The following RNASEH2B variants were observed in gnomAD, a reference collection of about 807,000 sequenced individuals.
The protein encoded by RNASEH2B is Aicardi-Goutieres syndrome 2 protein.
A neutral mutation model predicts 45.0 loss-of-function variants in RNASEH2B; 36 were observed. The observed-to-expected ratio is 0.80, with a 90% CI of 0.61 to 1.06. The LOEUF is 1.06. Ranked by LOEUF, RNASEH2B falls within the 50% of genes least tolerant of loss-of-function variation. RNASEH2B has a pLI of 0.00. For synonymous variants in RNASEH2B, 119 were observed against 125.7 expected (o/e 0.95, Z 0.35); for missense variants, 361 against 360.3 (o/e 1.00, Z -0.02).
In RNASEH2B at chr13:50,910,041, C is replaced by T; in HGVS notation, c.-36C>T. The T allele has an allele frequency of 6.8e-7, 1 of 1,461,918 alleles. No homozygotes were observed. Among genetic ancestry groups the T allele is most frequent in the Non-Finnish European group, 9.0e-7 (1 of 1,108,608 alleles). The allele number at this position is 1,461,918 out of a possible 1,614,324, so 90.6% of individuals were successfully genotyped here. ...GGGGCTGGGAGACTGAGGCCCGCGGCGCTGAGCCTGCGGCGCCCCGGAAGA... is the reference window on the plus strand; with the variant it reads ...GGGGCTGGGAGACTGAGGCCCGCGGTGCTGAGCCTGCGGCGCCCCGGAAGA... On this transcript the variant is annotated 5_prime_UTR_variant, in exon 1 of 11. Coordinates refer to ENST00000336617, the MANE Select transcript of RNASEH2B (RefSeq NM_024570.4).
At chr13:50,924,614 A>C (rs774503777) in intron 1 of RNASEH2B, among the ~76,000 whole-genome samples, 1 of 152,202 alleles carries the variant, frequency 6.6e-6, no homozygotes, top group African/African-American at 2.4e-5. Context: ...GCTGGAGTAC[A>C]GTGGTGCAGT....
chr13:50,920,459 T>A (rs1951509884), intron 1 of RNASEH2B, among the ~76,000 whole-genome samples: 1 of 152,236 alleles, frequency 6.6e-6, no homozygotes. Flanking sequence ...TACTCTGGAA[T>A]CAGTTAGTTT....
In RNASEH2B at chr13:50,910,157, G is replaced by A. The variant is rs1451402273; in HGVS notation, c.64+17G>A. 2.1e-6 allele frequency: 3 copies of A among 1,425,874 alleles called. No homozygotes were observed. Among genetic ancestry groups the A allele is most frequent in the African/African-American group, 1.5e-5 (1 of 66,898 alleles). 88.3% of individuals were successfully genotyped at this position (1,425,874 alleles called of 1,614,324 possible). On this transcript the variant is annotated intron_variant, in intron 1 of 10. Transcript: ENST00000336617. The stretch of plus-strand genomic sequence containing the variant: ...TGGTTTCAGGTAAACACGCGCGCCC[G>A]GGCGGCGGGGTCGGCCCAAGAACTG...
chr13:50,968,050 A>T (rs1196370883), intron 9 of RNASEH2B, among the ~76,000 whole-genome samples: 2 of 152,190 alleles, frequency 1.3e-5, no homozygotes, highest in African/African-American at 4.8e-5. Flanking sequence ...GAGCCATTAG[A>T]CTGACCAAAA....
chr13:50,942,418 T>C (rs996227904), intron 5 of RNASEH2B: 18 of 152,230 alleles, frequency 1.2e-4, no homozygotes, highest in African/African-American at 4.3e-4. Context: ...GATCTTTTTT[T>C]AATGCTCCCC....
Position 50,948,260 on chromosome 13 carries a change from T to C in RNASEH2B, c.698+192T>C, listed in dbSNP as rs1375958545. 9.9e-6 allele frequency: 8 copies of C among 807,172 alleles called. No homozygotes were observed. In the Middle Eastern group the frequency reaches 1.2e-3, roughly 118 times the overall value. The allele number at this position is 807,172 out of a possible 1,614,324, so 50.0% of individuals were successfully genotyped here. On this transcript the variant is annotated intron_variant, in intron 8 of 10. Transcript: ENST00000336617. ...AATGAACTGATTTGATGGATACGGA[T>C]TGCAGGAACTAGTGAATGTCAAGAT... is the stretch of plus-strand genomic sequence containing the variant.
chr13:50,938,025 T>TGAAAAAATCC (rs1427028851), intron 5 of RNASEH2B: 3 of 152,202 alleles, frequency 2.0e-5, no homozygotes, highest in Non-Finnish European at 4.4e-5. Flanking sequence ...TTGTCATGTA[T>TGAAAAAATCC]GAAAAAATCC....
In RNASEH2B at chr13:50,948,042, A is replaced by C; in HGVS notation, c.672A>C (p.Leu224Phe). The C allele has an allele frequency of 1.9e-6, 3 of 1,611,702 alleles. No homozygotes were observed. Among genetic ancestry groups the C allele is most frequent in the East Asian group, 4.5e-5 (2 of 44,782 alleles). The change falls in exon 8 of 11, where the codon TTA (leucine) becomes TTC (phenylalanine). Residue 224 changes from leucine (L) to phenylalanine (F), a missense_variant. By Grantham distance (22) the Leu-to-Phe change is conservative. Transcript: ENST00000336617. ...TATCTGACTACATCCCTAAAGAATT[A>C]AGTGATGACTTATCTAAATACTTAA... ...GLISDYIPKELSDDLSKYLKL... is the reference protein window; with the variant it reads ...GLISDYIPKEFSDDLSKYLKL...
chr13:50,927,597 T>C, intron 2 of RNASEH2B, 119 bp downstream of exon 2: 2 of 725,306 alleles, frequency 2.8e-6, no homozygotes. Context: ...GATGGCACCG[T>C]GAGGAGAAGA....
intron 7 of RNASEH2B, among the ~76,000 whole-genome samples, 193 bp downstream of exon 7, chr13:50,945,725 T>C (rs796839609): frequency 3.3e-5 from 5 of 152,356 alleles, no homozygotes; most frequent in African/African-American, 1.2e-4. Context: ...ACTTCTGTCA[T>C]TCATTGATAC....
chr13:50,956,775 A>C, downstream of RNASEH2B: 11 of 1,078,908 alleles, frequency 1.0e-5, no homozygotes, highest in Non-Finnish European at 1.2e-5. Context: ...AGAGTGTATG[A>C]CTGCTTTTTA....
At chr13:50,915,789 A>T (rs1448772250) in intron 1 of RNASEH2B, among the ~76,000 whole-genome samples, 2 of 152,166 alleles carry the variant, frequency 1.3e-5, no homozygotes, top group Admixed American at 6.5e-5. Flanking sequence ...AGGGGATGTA[A>T]GGGATTTGGG....
intron 9 of RNASEH2B, chr13:50,953,633 C>T (rs990849327): frequency 4.0e-6 from 2 of 497,510 alleles, no homozygotes; most frequent in African/African-American, 3.8e-5. Context: ...CCTACAAAGC[C>T]TGTGTTTGCT....
intron 9 of RNASEH2B, among the ~76,000 whole-genome samples, chr13:50,964,161 T>G (rs1181906756): frequency 1.3e-5 from 2 of 152,130 alleles, no homozygotes; most frequent in East Asian, 3.8e-4. Context: ...ATCACACCAC[T>G]GCACTCCAGT....
chr13:50,954,255 G>C, intron 10 of RNASEH2B: 1 of 547,736 alleles, frequency 1.8e-6, no homozygotes, highest in Non-Finnish European at 3.2e-6. Flanking sequence ...GATAGGGTGG[G>C]AAAGGAGGGA....
chr13:50,910,231 C>A (rs1449634104), intron 1 of RNASEH2B, 91 bp downstream of exon 1: 2 of 889,462 alleles, frequency 2.2e-6, no homozygotes, highest in African/African-American at 1.8e-5. Flanking sequence ...CCCGGTGGCT[C>A]CCACTACCCG....
intron 1 of RNASEH2B, chr13:50,912,668 C>T (rs959443722): frequency 4.6e-5 from 7 of 152,198 alleles, no homozygotes; most frequent in African/African-American, 1.7e-4. Context: ...GAGCACCATA[C>T]TCCAGTAAAG....
chr13:50,953,854 ATGT>A, intron 9 of RNASEH2B, 48 bp from the exon 10 acceptor site: 2 of 1,198,292 alleles, frequency 1.7e-6, no homozygotes, highest in Non-Finnish European at 2.5e-6. Context: ...TAATGGATTG[ATGT>A]TGTGTCAAAG....
chr13:50,937,130 T>G (rs1951763452), intron 5 of RNASEH2B: 1 of 152,164 alleles, frequency 6.6e-6, no homozygotes, highest in Non-Finnish European at 1.5e-5. Context: ...AGTTTCTTTT[T>G]ATCAAATTCT....
Sources: allele counts gnomAD v4.1 joint callset (sites outside exome capture counted in the v4.1 genomes callset), GRCh38; gene constraint gnomAD v4.1.1; transcripts MANE v1.5; gene names NCBI Gene and HGNC (gene_info 2026-07-23, HGNC 2026-07-21).